Variants in SLC30A6 observed in about 807,000 individuals in gnomAD.
SLC30A6 encodes the protein zinc transporter 6.
Under a neutral mutation model 63.0 loss-of-function variants are expected in SLC30A6, and 55 were observed. The observed-to-expected ratio is 0.87, with a 90% CI of 0.70 to 1.09. The LOEUF (loss-of-function observed/expected upper bound fraction) is 1.09. Ranked by LOEUF, SLC30A6 falls within the 50% of genes least tolerant of loss-of-function variation. The pLI is 0.00. For synonymous variants in SLC30A6, 224 were observed against 186.1 expected (o/e 1.20, Z -1.66); for missense variants, 587 against 549.2 (o/e 1.07, Z -0.69).
At chr2:32,214,181 C>T (rs1158853631) in intron 13 of SLC30A6, among the ~76,000 whole-genome samples, 5 of 151,892 alleles carry the variant, frequency 3.3e-5, no homozygotes, top group South Asian at 2.1e-4. Context: ...GTGATCTGCC[C>T]GCCTCGGCCT....
chr2:32,197,822 A>G lies in SLC30A6; in HGVS notation c.661A>G (p.Ile221Val). ...TTGTATTACATATATGCTCATTGAAATTAAGTGAGTATTTTTTATTGTTGT... is the reference window on the plus strand; with the variant it reads ...TTGTATTACATATATGCTCATTGAAGTTAAGTGAGTATTTTTTATTGTTGT... ...ALCITYMLIE[I>V]NNYFAVDTAS... Residue 221 changes from isoleucine (I) to valine (V), a missense_variant, in exon 10 of 14, where the codon ATT (isoleucine) becomes GTT (valine). Transcript: ENST00000282587. The G allele has an allele frequency of 6.2e-7, 1 of 1,613,536 alleles. No homozygotes were observed. The highest frequency in any genetic ancestry group is 8.5e-7 in the Non-Finnish European group (1 of 1,179,802).
At chr2:32,201,643 C>G in intron 10 of SLC30A6, 1 of 1,514,260 alleles carries the variant, frequency 6.6e-7, no homozygotes, top group Non-Finnish European at 9.0e-7. Flanking sequence ...GAACTGGAAG[C>G]ACCCTTGGAG....
chr2:32,177,538 C>A, intron 4 of SLC30A6: 1 of 207,586 alleles, frequency 4.8e-6, no homozygotes, highest in Non-Finnish European at 1.0e-5. Flanking sequence ...GTGGTCCACC[C>A]ACCTCGGCCT....
chr2:32,176,314 A>G (rs1017531570), intron 4 of SLC30A6, among the ~76,000 whole-genome samples: 1 of 152,084 alleles, frequency 6.6e-6, no homozygotes, highest in Non-Finnish European at 1.5e-5. Flanking sequence ...ATTTGAGTAT[A>G]CCTGTGTCGC....
chr2:32,166,063 C>T (rs1427996012), intron 1 of SLC30A6, among the ~76,000 whole-genome samples, 160 bp downstream of exon 1: 1 of 152,252 alleles, frequency 6.6e-6, no homozygotes, highest in African/African-American at 2.4e-5. Flanking sequence ...AAATGTTCCC[C>T]TTCAGAGTTC....
chr2:32,184,092 T>C (rs1370587218), intron 4 of SLC30A6, among the ~76,000 whole-genome samples, 181 bp from the exon 5 acceptor site: 1 of 152,178 alleles, frequency 6.6e-6, no homozygotes, highest in Non-Finnish European at 1.5e-5. Context: ...AGATGCTCAC[T>C]GTGATTAGAT....
intron 4 of SLC30A6, among the ~76,000 whole-genome samples, chr2:32,176,267 A>G (rs929833620): frequency 1.3e-5 from 2 of 152,218 alleles, no homozygotes; most frequent in Admixed American, 6.5e-5. Flanking sequence ...TTACTCTGAG[A>G]TGCTGTTTTG....
chr2:32,212,583 C>CTTTTTTTTT (rs1193348947), intron 13 of SLC30A6, among the ~76,000 whole-genome samples: 7 of 83,024 alleles, frequency 8.4e-5, no homozygotes, highest in East Asian at 3.1e-4. Flanking sequence ...CCATTTTTAC[C>CTTTTTTTTT]TTTTTTTTTT....
intron 2 of SLC30A6, among the ~76,000 whole-genome samples, chr2:32,172,920 A>G (rs1392096505): frequency 6.6e-6 from 1 of 152,030 alleles, no homozygotes; most frequent in Non-Finnish European, 1.5e-5. Flanking sequence ...AAACTTCTAC[A>G]TCCTATCATT....
At chr2:32,211,281 G>C (rs1234094483) in intron 13 of SLC30A6, among the ~76,000 whole-genome samples, 1 of 152,150 alleles carries the variant, frequency 6.6e-6, no homozygotes, top group East Asian at 1.9e-4. Context: ...TCTTTAGAAG[G>C]GGCCGTTGGG....
Position 32,206,933 on chromosome 2 carries a change from G to A in SLC30A6, c.816G>A (p.Glu272=). The change falls in exon 12 of 14, where the codon GAG becomes GAA. Residue 272 remains glutamate, a splice_region_variant and synonymous_variant. Coordinates refer to ENST00000282587, the MANE Select transcript of SLC30A6 (RefSeq NM_017964.5). The stretch of plus-strand genomic sequence containing the variant: ...GTCAGTTGGACAAACTCATCAGAGA[G>A]GTAAGATGGAATAGTAAATAAAATC... ...VIGQLDKLIR[E]VSTLDGVLEV... 1 of 1,605,320 alleles carries A rather than the reference G, an allele frequency of 6.2e-7. No individual in the cohort carries two copies. The highest frequency in any genetic ancestry group is 8.5e-7 in the Non-Finnish European group (1 of 1,172,270).
chr2:32,188,209 G>T (rs1683007358), intron 5 of SLC30A6, among the ~76,000 whole-genome samples: 1 of 152,118 alleles, frequency 6.6e-6, no homozygotes, highest in Admixed American at 6.6e-5. Flanking sequence ...CTCTTCACCT[G>T]ATCTTTGCAA....
rs551500573 is a variant in SLC30A6, at chr2:32,176,464, C to G, written c.218+1103C>G. On this transcript the variant is annotated intron_variant, in intron 4 of 13. Transcript: ENST00000282587. ...ACAAAGTCAGGAGTTCGAGACCAGC[C>G]TGGCCAATATGGTGAAACCCCGTCT... is the stretch of plus-strand genomic sequence containing the variant. 5.3e-5 allele frequency among the ~76,000 whole-genome samples: 8 copies of G among 152,008 alleles called. No individual in the cohort carries two copies. In the South Asian group the frequency reaches 1.5e-3, roughly 28 times the overall value.
chr2:32,187,378 C>A, intron 5 of SLC30A6: 1 of 394,298 alleles, frequency 2.5e-6, no homozygotes, highest in Non-Finnish European at 5.0e-6. Context: ...TGAGAAAGAA[C>A]TGTTGCTTGG....
At chr2:32,174,361 A>C (rs192417416) in intron 3 of SLC30A6, among the ~76,000 whole-genome samples, 1 of 152,030 alleles carries the variant, frequency 6.6e-6, no homozygotes, top group Non-Finnish European at 1.5e-5. Flanking sequence ...TTCCTTTTAA[A>C]ATATATTTTA....
chr2:32,201,285 G>C (rs894148001), intron 10 of SLC30A6, among the ~76,000 whole-genome samples: 1 of 152,158 alleles, frequency 6.6e-6, no homozygotes, highest in East Asian at 1.9e-4. Flanking sequence ...TGGCATTTTG[G>C]TCTGTATTGT....
chr2:32,180,252 A>T (rs1271924716), intron 4 of SLC30A6, among the ~76,000 whole-genome samples: 1 of 151,956 alleles, frequency 6.6e-6, no homozygotes, highest in Non-Finnish European at 1.5e-5. Flanking sequence ...AAATTTTAAA[A>T]ATTAGCCAAG....
At chr2:32,181,107 A>G (rs1164016993) in intron 4 of SLC30A6, among the ~76,000 whole-genome samples, 1 of 152,238 alleles carries the variant, frequency 6.6e-6, no homozygotes, top group African/African-American at 2.4e-5. Flanking sequence ...ATTGGAGAAC[A>G]TTAATACCAA....
rs372084615 is a variant in SLC30A6 at position 32,165,885 on chromosome 2, T to C, written c.-16T>C. The stretch of plus-strand genomic sequence containing the variant: ...ACCCAGAACGGCTTCCGGCGGGAGC[T>C]GTGCAGCTCCTTATCATGGTGAGTT... On this transcript the variant is annotated 5_prime_UTR_variant, in exon 1 of 14. Transcript: ENST00000282587. 20 of 1,614,028 alleles carry C rather than the reference T, an allele frequency of 1.2e-5. No individual in the cohort carries two copies. In the African/African-American group the frequency reaches 2.7e-4, roughly 22 times the overall value.
Sources: gnomAD v4.1 joint callset for allele counts (sites outside exome capture counted in the v4.1 genomes callset) on GRCh38, gnomAD v4.1.1 for gene constraint, MANE v1.5 for transcripts, NCBI Gene and HGNC (gene_info 2026-07-23, HGNC 2026-07-21) for gene names.